POTEE: variants seen among roughly 807,000 people sequenced by gnomAD.
POTEE encodes the protein ANKRD26-like family C member 1A.
POTEE carries 21 observed loss-of-function variants against 74.2 expected under a neutral mutation model. The ratio of observed to expected loss-of-function variants is 0.28; its 90% CI spans 0.20 to 0.41. The LOEUF is 0.41. POTEE is among the 10% of genes least tolerant of loss of function. The probability of loss-of-function intolerance (pLI) is 1.00; values close to 1 mark genes in which losing one functional copy is unlikely to be tolerated. For synonymous variants in POTEE, 211 were observed against 432.8 expected (o/e 0.49, Z 6.36); for missense variants, 525 against 1,158.6 (o/e 0.45, Z 7.94).
At chr2:131,218,127 C>T (rs1434122987) in intron 3 of POTEE, 183 bp from the exon 4 acceptor site, 1 of 605,664 alleles carries the variant, frequency 1.7e-6, no homozygotes, top group East Asian at 3.2e-5. Flanking sequence ...TGGGTGTTTT[C>T]TTGGGGGCGG....
chr2:131,235,394 G>A (rs1701096407), intron 9 of POTEE, among the ~76,000 whole-genome samples: 1 of 152,108 alleles, frequency 6.6e-6, no homozygotes, highest in South Asian at 2.1e-4. Context: ...TAAAGATGCA[G>A]TAGAAAAATC....
At chr2:131,225,583 T>TCCCC (rs1700758372) in intron 6 of POTEE, among the ~76,000 whole-genome samples, 1 of 149,898 alleles carries the variant, frequency 6.7e-6, no homozygotes, top group Admixed American at 6.7e-5. Flanking sequence ...TTTTTTTTTT[T>TCCCC]TGAGATGGGG....
At chr2:131,217,713 G>C (rs1430636161) in intron 3 of POTEE, among the ~76,000 whole-genome samples, 30 bp downstream of exon 3, 5 of 150,710 alleles carry the variant, frequency 3.3e-5, no homozygotes, top group African/African-American at 1.2e-4. Flanking sequence ...CAGTGTCTGT[G>C]CCACGTGCCC....
chr2:131,260,859 C>A (rs1459965013), intron 16 of POTEE, among the ~76,000 whole-genome samples: 2 of 91,608 alleles, frequency 2.2e-5, no homozygotes, highest in Non-Finnish European at 4.5e-5. Flanking sequence ...TCTTAATATG[C>A]ATGAAATAAA....
chr2:131,209,572 C>T lies in POTEE; in HGVS notation c.-592C>T, dbSNP rs548446533. Among the ~76,000 whole-genome samples the T allele has an allele frequency of 2.6e-5, 4 of 152,358 alleles. No individual in the cohort carries two copies. The highest frequency in any genetic ancestry group is 3.9e-4 in the East Asian group (2 of 5,182). ...TTAAGTGTGGGCGTTTGGTAACCGGCATGGCTGCTACCTGTTTCTGGCTGG... is the reference window on the plus strand; with the variant it reads ...TTAAGTGTGGGCGTTTGGTAACCGGTATGGCTGCTACCTGTTTCTGGCTGG... On this transcript the variant is annotated 5_prime_UTR_variant, in exon 1 of 18. Coordinates refer to ENST00000683005, the MANE Select transcript of POTEE (RefSeq NM_001083538.3).
At chr2:131,220,813 T>C (rs1700594218) in intron 4 of POTEE, among the ~76,000 whole-genome samples, 1 of 151,708 alleles carries the variant, frequency 6.6e-6, no homozygotes, top group African/African-American at 2.4e-5. Flanking sequence ...TACAAAAAAT[T>C]AGTTGGGCAT....
At chr2:131,210,059 C>T (rs888655586) in intron 1 of POTEE, among the ~76,000 whole-genome samples, 6 of 5,098 alleles carry the variant, frequency 1.2e-3, no homozygotes, top group African/African-American at 2.1e-3. Context: ...CTGCCGGTGG[C>T]GGGGGAGGGG....
intron 6 of POTEE, among the ~76,000 whole-genome samples, chr2:131,224,611 G>A (rs1215109372): frequency 6.6e-6 from 1 of 151,876 alleles, no homozygotes; most frequent in East Asian, 1.9e-4. Flanking sequence ...ACCATGAAGA[G>A]GTTGTGTGTG....
At chr2:131,215,803 ACAAT>A (rs1314081554) in intron 2 of POTEE, among the ~76,000 whole-genome samples, 165 of 137,142 alleles carry the variant, frequency 1.2e-3, no homozygotes, top group African/African-American at 4.2e-3. Context: ...TTGAAAAGTA[ACAAT>A]CAGTGTATTA....
At position 131,211,520 on chromosome 2, in the gene POTEE, CTGTGTGTG is replaced by C. The variant is rs369206786; in HGVS notation, c.-189+350_-189+357del. 1.4e-4 allele frequency among the ~76,000 whole-genome samples: 7 copies of C among 50,276 alleles called. No individual in the cohort carries two copies. In the Admixed American group the frequency reaches 2.3e-3, roughly 16 times the overall value. 33.0% of individuals were successfully genotyped at this position (50,276 alleles called of 152,430 possible). ...ATTCTTAACAAAATTTAGGGGGTGA[CTGTGTGTG>C]TGTGTGTGTGTGGCTTTTTTTTTTT... is the stretch of plus-strand genomic sequence containing the variant. On this transcript the variant is annotated intron_variant, in intron 2 of 17. Transcript: ENST00000683005.
At chr2:131,237,718 A>G (rs2105104784) in intron 10 of POTEE, among the ~76,000 whole-genome samples, 1 of 152,284 alleles carries the variant, frequency 6.6e-6, no homozygotes, top group East Asian at 1.9e-4. Context: ...GGTGCCTACA[A>G]TCCAGTTAGG....
At chr2:131,232,804 T>C (rs1701005549) in intron 9 of POTEE, among the ~76,000 whole-genome samples, 1 of 151,898 alleles carries the variant, frequency 6.6e-6, no homozygotes, top group African/African-American at 2.4e-5. Flanking sequence ...GGTTGGCTAA[T>C]CCGCAGCAGC....
intron 6 of POTEE, 108 bp from the exon 7 acceptor site, chr2:131,226,715 A>C (rs1700790044): frequency 6.5e-7 from 1 of 1,538,436 alleles, no homozygotes. Context: ...CATTTTATTT[A>C]CTTTCTATGC....
chr2:131,211,928 G>A (rs1573691006), intron 2 of POTEE, among the ~76,000 whole-genome samples: 1 of 151,384 alleles, frequency 6.6e-6, no homozygotes, highest in East Asian at 2.0e-4. Context: ...GGGATAAAAG[G>A]TGTCATAATA....
rs1700478888 is a variant in POTEE, at chr2:131,217,767, GC to G, written c.-94+85del. On this transcript the variant is annotated intron_variant, in intron 3 of 17. Transcript: ENST00000683005. ...GCACGCCGCACGCCGCACGCCGCAC[GC>G]GCACGCCGCACGCGCACGCGCACGC... 5.5e-4 allele frequency among the ~76,000 whole-genome samples: 7 copies of G among 12,618 alleles called. No individual in the cohort carries two copies. In the East Asian group the frequency reaches 0.023, roughly 41 times the overall value. The allele number at this position is 12,618 out of a possible 152,430, so 8.3% of individuals were successfully genotyped here.
chr2:131,215,277 G>C (rs1700424365), intron 2 of POTEE, among the ~76,000 whole-genome samples: 1 of 152,012 alleles, frequency 6.6e-6, no homozygotes, highest in Non-Finnish European at 1.5e-5. Context: ...ATAATTATGA[G>C]ATATTTAGTA....
intron 16 of POTEE, among the ~76,000 whole-genome samples, chr2:131,260,283 G>A (rs1336180078): frequency 6.7e-6 from 1 of 149,616 alleles, no homozygotes; most frequent in Non-Finnish European, 1.5e-5. Flanking sequence ...TGCTTGATAT[G>A]TCTGTTGCTG....
At chr2:131,211,470 C>T (rs994596356) in intron 2 of POTEE, among the ~76,000 whole-genome samples, 1 of 130,714 alleles carries the variant, frequency 7.7e-6, no homozygotes, top group African/African-American at 2.8e-5. Flanking sequence ...CCTTCTGAGC[C>T]AGGCATGAGT....
chr2:131,221,853 T>C (rs932209483), intron 4 of POTEE, among the ~76,000 whole-genome samples: 5 of 152,264 alleles, frequency 3.3e-5, no homozygotes, highest in African/African-American at 9.6e-5. Flanking sequence ...ACAGGAGTTT[T>C]CTTTGAAAAT....
Sources: gnomAD v4.1 joint callset for allele counts (sites outside exome capture counted in the v4.1 genomes callset) on GRCh38, gnomAD v4.1.1 for gene constraint, MANE v1.5 for transcripts, NCBI Gene and HGNC (gene_info 2026-07-23, HGNC 2026-07-21) for gene names.